Variants in GABRA3 observed in about 807,000 individuals in gnomAD.
GABRA3 encodes the protein gamma-aminobutyric acid type A receptor subunit alpha3.
Under a neutral mutation model 30.1 loss-of-function variants are expected in GABRA3, and 10 were observed. That is an observed-to-expected ratio of 0.33 (90% CI 0.20 to 0.56). The LOEUF is 0.56. Among genes scored for constraint, GABRA3 ranks in the 20% least tolerant of loss-of-function variants. The probability of loss-of-function intolerance (pLI) is 0.89; values close to 1 mark genes in which losing one functional copy is unlikely to be tolerated. For synonymous variants in GABRA3, 151 were observed against 146.8 expected, an observed-to-expected ratio of 1.03 and a Z score of -0.21; for missense variants, 233 against 392.0, an observed-to-expected ratio of 0.59 and a Z score of 3.42.
At chrX:152,311,247 C>T (rs1939794411) in intron 3 of GABRA3, among the ~76,000 whole-genome samples, 1 of 110,944 alleles carries the variant, frequency 9.0e-6, no homozygotes, top group Non-Finnish European at 1.9e-5. Context: ...CTGGCAAAAA[C>T]ACAATGCAAA....
At chrX:152,410,960 A>G (rs989702521) in intron 1 of GABRA3, among the ~76,000 whole-genome samples, 3 of 111,771 alleles carry the variant, frequency 2.7e-5, no homozygotes, top group Non-Finnish European at 5.6e-5. Context: ...ACTAGAGGAA[A>G]CCAGGCGAAA....
At chrX:152,214,716 G>A (rs966103697) in intron 6 of GABRA3, among the ~76,000 whole-genome samples, 8 of 111,017 alleles carry the variant, frequency 7.2e-5, no homozygotes, top group African/African-American at 9.8e-5. Context: ...AACACAAGAC[G>A]TCTTTCTATT....
intron 7 of GABRA3, among the ~76,000 whole-genome samples, chrX:152,201,750 T>G (rs936988088): frequency 1.8e-5 from 2 of 112,303 alleles, no homozygotes; most frequent in Non-Finnish European, 3.8e-5. Context: ...ATATATTTTC[T>G]TAAATCTATC....
intron 3 of GABRA3, 116 bp from the exon 4 acceptor site, chrX:152,284,851 A>G: frequency 2.4e-6 from 1 of 424,793 alleles, no homozygotes; most frequent in Non-Finnish European, 4.0e-6. Flanking sequence ...AGAAAGGAAA[A>G]CCCCTCAAAA....
intron 4 of GABRA3, among the ~76,000 whole-genome samples, chrX:152,273,855 C>A (rs1938993723): frequency 9.0e-6 from 1 of 111,100 alleles, no homozygotes; most frequent in South Asian, 3.8e-4. Flanking sequence ...GAACTGTACA[C>A]TCAAAATGGT....
intron 1 of GABRA3, among the ~76,000 whole-genome samples, chrX:152,417,497 C>A (rs1027786111): frequency 9.4e-6 from 1 of 106,032 alleles, no homozygotes; most frequent in South Asian, 4.4e-4. Flanking sequence ...ACTGGAAATA[C>A]CATTTGACCC....
intron 5 of GABRA3, among the ~76,000 whole-genome samples, chrX:152,226,446 T>C (rs983942735): frequency 4.5e-5 from 5 of 111,142 alleles, no homozygotes; most frequent in African/African-American, 6.5e-5. Flanking sequence ...AAAACCTAGG[T>C]ATTACCATTC....
At chrX:152,426,754 A>G (rs1007303527) in intron 1 of GABRA3, among the ~76,000 whole-genome samples, 1 of 112,193 alleles carries the variant, frequency 8.9e-6, no homozygotes, top group African/African-American at 3.2e-5. Flanking sequence ...AATAATAATA[A>G]TAGAAAAATG....
At chrX:152,433,456 T>C (rs1930698420) in intron 1 of GABRA3, among the ~76,000 whole-genome samples, 1 of 108,436 alleles carries the variant, frequency 9.2e-6, no homozygotes, top group Non-Finnish European at 1.9e-5. Context: ...CAGATATCAA[T>C]TAGAAAATAT....
chrX:152,425,424 T>C (rs1349888587), intron 1 of GABRA3, among the ~76,000 whole-genome samples: 1 of 111,171 alleles, frequency 9.0e-6, no homozygotes, highest in African/African-American at 3.3e-5. Flanking sequence ...TGATCCAATG[T>C]AGGATCACAC....
chrX:152,280,999 C>T (rs891372065), intron 4 of GABRA3, among the ~76,000 whole-genome samples: 5 of 111,162 alleles, frequency 4.5e-5, no homozygotes, highest in African/African-American at 1.6e-4. Context: ...TCCTGCACCT[C>T]TGACATGCTC....
intron 1 of GABRA3, among the ~76,000 whole-genome samples, chrX:152,439,118 T>TTTA (rs201046876): frequency 9.4e-5 from 10 of 106,571 alleles, no homozygotes; most frequent in East Asian, 6.1e-4. Flanking sequence ...TAAAATAAAG[T>TTTA]TTATTATTAT....
intron 9 of GABRA3, among the ~76,000 whole-genome samples, chrX:152,170,284 C>T (rs754587447): frequency 1.8e-5 from 2 of 112,278 alleles, no homozygotes; most frequent in African/African-American, 3.2e-5. Context: ...GATGAGCATG[C>T]GGCAAAGGCC....
chrX:152,170,791 A>C, intron 9 of GABRA3, among the ~76,000 whole-genome samples: 1 of 112,227 alleles, frequency 8.9e-6, no homozygotes, highest in Non-Finnish European at 1.9e-5. Flanking sequence ...GTTTTCAGTC[A>C]TGGACGGGAA....
chrX:152,433,690 T>A (rs547148158), intron 1 of GABRA3, among the ~76,000 whole-genome samples: 3 of 54,080 alleles, frequency 5.5e-5, no homozygotes, highest in Admixed American at 2.3e-4. Flanking sequence ...TTCAATGAAA[T>A]AGAATGAAGG....
intron 1 of GABRA3, among the ~76,000 whole-genome samples, chrX:152,386,982 T>C (rs1328793169): frequency 1.9e-5 from 2 of 106,479 alleles, no homozygotes; most frequent in Admixed American, 1.0e-4. Context: ...AAATGATGAG[T>C]TCATGTCCTT....
At chrX:152,184,125 G>A (rs1268677336) in intron 9 of GABRA3, among the ~76,000 whole-genome samples, 1 of 109,652 alleles carries the variant, frequency 9.1e-6, no homozygotes, top group Non-Finnish European at 1.9e-5. Context: ...TTTTTATATA[G>A]CATCCTGTTC....
chrX:152,445,770 C>G (rs1192996632), intron 1 of GABRA3, among the ~76,000 whole-genome samples: 3 of 111,502 alleles, frequency 2.7e-5, no homozygotes, highest in Non-Finnish European at 5.6e-5. Flanking sequence ...AAACCTCCCC[C>G]CACCGTATTT....
chrX:152,239,368 A>G (rs1433036559), intron 5 of GABRA3, among the ~76,000 whole-genome samples: 1 of 105,303 alleles, frequency 9.5e-6, no homozygotes, highest in Non-Finnish European at 1.9e-5. Flanking sequence ...ATAGTTTGTT[A>G]TCATTTCTGT....
Sources: gnomAD v4.1 joint callset for allele counts (sites outside exome capture counted in the v4.1 genomes callset) on GRCh38, gnomAD v4.1.1 for gene constraint, MANE v1.5 for transcripts, NCBI Gene and HGNC (gene_info 2026-07-23, HGNC 2026-07-21) for gene names.